The following SQOR variants were observed in gnomAD, a reference collection of about 807,000 sequenced individuals.
SQOR encodes sulfide:quinone oxidoreductase, mitochondrial.
Under a neutral mutation model 48.6 loss-of-function variants are expected in SQOR, and 39 were observed. The observed-to-expected ratio is 0.80, with a 90% confidence interval of 0.62 to 1.05. The LOEUF (loss-of-function observed/expected upper bound fraction) is 1.05, where lower values mean the gene tolerates loss of function less well. Ranked by LOEUF, SQOR falls within the 50% of genes least tolerant of loss-of-function variation. SQOR has a pLI of 0.00. For missense variants in SQOR, 561 were observed against 559.9 expected (o/e 1.00, Z -0.02); for synonymous variants, 220 against 206.2 (o/e 1.07, Z -0.57).
chr15:45,639,073 A>AT (rs1333770926), intron 1 of SQOR, among the ~76,000 whole-genome samples: 2 of 152,070 alleles, frequency 1.3e-5, no homozygotes, highest in African/African-American at 4.8e-5. Context: ...CAATAGGTTT[A>AT]AAAAAAATGG....
chr15:45,658,320 G>T (rs1425173249), intron 1 of SQOR, among the ~76,000 whole-genome samples: 2 of 152,192 alleles, frequency 1.3e-5, no homozygotes, highest in East Asian at 1.9e-4. Flanking sequence ...ATTTCCCTGG[G>T]CAAGCAGAGC....
chr15:45,650,198 G>T lies in SQOR; in HGVS notation c.-17-8709G>T, dbSNP rs150922002. ...TCTGTCGCCCAGGCTAGAGTGCAAT[G>T]GCATGATCTTGACTCATTGCCACCT... On this transcript the variant is annotated intron_variant, in intron 1 of 9. Transcript: ENST00000260324. Among the ~76,000 whole-genome samples the T allele has an allele frequency of 2.9e-3, 442 of 152,220 alleles. 3 individuals are homozygous for T. The highest frequency in any genetic ancestry group is 6.7e-3 in the Admixed American group (102 of 15,282).
Position 45,688,907 on chromosome 15 carries a change from C to T in SQOR, c.1117-132C>T, listed in dbSNP as rs561410286. On this transcript the variant is annotated intron_variant, in intron 8 of 9. Transcript: ENST00000260324. ...TTTGTAATATAATTTACATTTTTCACAGTACAAAAAGCTAGAATATACAGA... is the reference window on the plus strand; with the variant it reads ...TTTGTAATATAATTTACATTTTTCATAGTACAAAAAGCTAGAATATACAGA... 6.7e-5 allele frequency: 46 copies of T among 688,322 alleles called. No homozygotes were observed. In the South Asian group the frequency reaches 1.1e-3, roughly 17 times the overall value. 42.6% of individuals were successfully genotyped at this position (688,322 alleles called of 1,614,324 possible).
rs769417350 is a variant in SQOR at position 45,673,751 on chromosome 15, GC to G, written c.605del (p.Ala202ValfsTer85). On this transcript the variant is annotated frameshift_variant, in exon 5 of 10. Transcript: ENST00000260324. LOFTEE classifies it high-confidence loss of function. ...CTTCCCAAATACTCCAGTGAAGTGT[GC>G]TGGAGCCCCTCAGAAGATCATGTAC... The part of the protein sequence containing the change: ...FTFPNTPVKC[A>X]GAPQKIMYLS... 1.2e-6 allele frequency: 2 copies of G among 1,614,148 alleles called. No individual in the cohort carries two copies. Among genetic ancestry groups the G allele is most frequent in the East Asian group, 2.2e-5 (1 of 44,876 alleles).
intron 1 of SQOR, 99 bp from the exon 2 acceptor site, chr15:45,658,808 C>T (rs557129509): frequency 5.2e-5 from 48 of 924,958 alleles, no homozygotes; most frequent in Middle Eastern, 6.9e-4. Flanking sequence ...CCAGCTGGAG[C>T]GGGCCAGATG....
At chr15:45,678,617 A>G (rs1308347335) in intron 6 of SQOR, among the ~76,000 whole-genome samples, 8 of 151,778 alleles carry the variant, frequency 5.3e-5, no homozygotes, top group African/African-American at 1.7e-4. Context: ...TCTAGTATCT[A>G]TCTGCAGCAG....
intron 1 of SQOR, among the ~76,000 whole-genome samples, chr15:45,657,921 G>C (rs1439465022): frequency 6.6e-6 from 1 of 152,164 alleles, no homozygotes; most frequent in Non-Finnish European, 1.5e-5. Flanking sequence ...TACCCAGGGA[G>C]GGAGATATCA....
chr15:45,687,280 T>G (rs1045140631), intron 7 of SQOR, among the ~76,000 whole-genome samples: 3 of 152,058 alleles, frequency 2.0e-5, no homozygotes, highest in African/African-American at 7.2e-5. Flanking sequence ...CCTGACTAAT[T>G]TTTGTATTTT....
At chr15:45,680,047 A>G (rs1395987100) in intron 6 of SQOR, among the ~76,000 whole-genome samples, 1 of 152,222 alleles carries the variant, frequency 6.6e-6, no homozygotes, top group Non-Finnish European at 1.5e-5. Context: ...ATAATGAACA[A>G]GCTACAACTA....
chr15:45,689,320 GTTC>G (rs1890280227), intron 9 of SQOR, 103 bp downstream of exon 9: 1 of 1,161,480 alleles, frequency 8.6e-7, no homozygotes, highest in East Asian at 2.4e-5. Context: ...GTGACCAAGT[GTTC>G]TGTCTTCCAT....
chr15:45,653,513 C>T lies in SQOR; in HGVS notation c.-17-5394C>T, dbSNP rs142574931. 8.8e-4 allele frequency among the ~76,000 whole-genome samples: 134 copies of T among 152,328 alleles called. 1 individual carries two copies. The East Asian group carries it at 0.011, about 12-fold the overall frequency. On this transcript the variant is annotated intron_variant, in intron 1 of 9. Transcript: ENST00000260324. ...AGGCCCTCTCCGGTCACACCACCAT[C>T]CAGCACATCAGTGAGTTCACCAACC...
At chr15:45,661,710 T>C (rs1889723899) in intron 2 of SQOR, among the ~76,000 whole-genome samples, 1 of 152,238 alleles carries the variant, frequency 6.6e-6, no homozygotes. Context: ...AATGCAGTGG[T>C]CACTAAAGAT....
intron 1 of SQOR, among the ~76,000 whole-genome samples, chr15:45,655,315 C>T (rs149367559): frequency 2.2e-4 from 33 of 152,284 alleles, no homozygotes; most frequent in African/African-American, 7.9e-4. Context: ...GATATAGTGT[C>T]AGGACCATGA....
chr15:45,659,128 G>T lies in SQOR; in HGVS notation c.205G>T (p.Glu69Ter). 6.4e-7 allele frequency: 1 copy of T among 1,564,254 alleles called. No homozygotes were observed. Among genetic ancestry groups the T allele is most frequent in the South Asian group, 1.2e-5 (1 of 84,264 alleles). ...AARMKRKVGA[E>*]NVAIVEPSER... ...CCGCATGAAGAGGAAAGTGGGTGCA[G>T]AGAATGTGGCCATTGTTGAGCCCAG... Residue 69 changes from glutamate to a stop codon, truncating the protein, a stop_gained, in exon 2 of 10, where the codon GAG (glutamate) becomes TAG (stop). Coordinates refer to ENST00000260324, the MANE Select transcript of SQOR (RefSeq NM_021199.4). LOFTEE classifies it high-confidence loss of function.
intron 1 of SQOR, among the ~76,000 whole-genome samples, chr15:45,642,425 G>A (rs931037088): frequency 6.6e-6 from 1 of 152,158 alleles, no homozygotes; most frequent in East Asian, 1.9e-4. Flanking sequence ...ATTTTTTAAT[G>A]TTGATGACTA....
At chr15:45,652,115 C>G (rs959897007) in intron 1 of SQOR, among the ~76,000 whole-genome samples, 4 of 152,034 alleles carry the variant, frequency 2.6e-5, no homozygotes, top group Non-Finnish European at 4.4e-5. Context: ...CTCAAGTGAT[C>G]TGCCCACCTT....
chr15:45,638,648 G>A (rs561462016), intron 1 of SQOR, among the ~76,000 whole-genome samples: 48 of 151,920 alleles, frequency 3.2e-4, no homozygotes, highest in Admixed American at 5.9e-4. Context: ...TGCTTGAACC[G>A]GAGAGGAGGA....
chr15:45,690,980 T>C lies in SQOR; in HGVS notation c.1303T>C (p.Trp435Arg), dbSNP rs759151291. 3 of 1,614,176 alleles carry C rather than the reference T, an allele frequency of 1.9e-6. No homozygotes were observed. Among genetic ancestry groups the C allele is most frequent in the Admixed American group, 1.7e-5 (1 of 60,026 alleles). ...TTGTGTTATTTCTTACAGGGGTTAC[T>C]GGGGAGGACCAGCGTTTCTGCGCAA... ...LYWNMMLRGY[W>R]GGPAFLRKLF... is the part of the protein sequence containing the mutation. The change falls in exon 10 of 10, where the codon TGG (tryptophan) becomes CGG (arginine). Residue 435 changes from tryptophan (W) to arginine (R), a missense_variant. Physicochemically the swap from Trp to Arg is moderately radical, Grantham distance 101 (BLOSUM62 -3). Coordinates refer to ENST00000260324, the MANE Select transcript of SQOR (RefSeq NM_021199.4).
chr15:45,681,559 A>G (rs925761057), intron 6 of SQOR, among the ~76,000 whole-genome samples: 7 of 152,150 alleles, frequency 4.6e-5, no homozygotes, highest in Non-Finnish European at 7.3e-5. Flanking sequence ...GCTATTGACT[A>G]TCTCAAAAGG....
Sources: gnomAD v4.1 joint callset for allele counts (sites outside exome capture counted in the v4.1 genomes callset) on GRCh38, gnomAD v4.1.1 for gene constraint, MANE v1.5 for transcripts, NCBI Gene and HGNC (gene_info 2026-07-23, HGNC 2026-07-21) for gene names.